FRMPD4: variants seen among roughly 807,000 people sequenced by gnomAD.
FRMPD4 encodes FERM and PDZ domain-containing protein 4.
FRMPD4 carries 22 observed loss-of-function variants against 94.1 expected under a neutral mutation model. The ratio of observed to expected loss-of-function variants is 0.23; its 90% CI spans 0.17 to 0.33. The LOEUF (loss-of-function observed/expected upper bound fraction) is 0.33, where lower values mean the gene tolerates loss of function less well. Among genes scored for constraint, FRMPD4 ranks in the 10% least tolerant of loss-of-function variants. FRMPD4 has a pLI of 1.00. For missense variants in FRMPD4, 1,111 were observed against 1,339.9 expected, an observed-to-expected ratio of 0.83 and a Z score of 2.67; for synonymous variants, 631 against 548.6, an observed-to-expected ratio of 1.15 and a Z score of -2.10.
chrX:12,683,139 C>T (rs767069014), intron 5 of FRMPD4, among the ~76,000 whole-genome samples: 4 of 112,079 alleles, frequency 3.6e-5, no homozygotes, highest in Non-Finnish European at 5.6e-5. Context: ...AACATTAGAT[C>T]TGACTACCAC....
At chrX:11,899,346 C>G (rs779512852) in intron 3 of FRMPD4, among the ~76,000 whole-genome samples, 17 of 105,631 alleles carry the variant, frequency 1.6e-4, no homozygotes, top group African/African-American at 6.9e-5. Flanking sequence ...CAATCCTAAT[C>G]TTATTTTTAC....
intron 1 of FRMPD4, among the ~76,000 whole-genome samples, chrX:12,277,116 G>A (rs1237281190): frequency 5.6e-5 from 4 of 72,031 alleles, no homozygotes; most frequent in Admixed American, 1.7e-4. Flanking sequence ...GCGAGACTCC[G>A]TCTCAAAAAA....
chrX:12,462,742 A>G (rs2148157768), intron 1 of FRMPD4, among the ~76,000 whole-genome samples: 1 of 112,466 alleles, frequency 8.9e-6, no homozygotes, highest in African/African-American at 3.2e-5. Flanking sequence ...TATTCCCAGC[A>G]CTTTGGGAGG....
At chrX:12,240,650 G>GTT (rs983536123) in intron 1 of FRMPD4, among the ~76,000 whole-genome samples, 2 of 112,178 alleles carry the variant, frequency 1.8e-5, no homozygotes, top group Non-Finnish European at 3.8e-5. Flanking sequence ...CAACTGGTTT[G>GTT]TTTTTTGGTT....
chrX:12,082,284 T>C (rs753575172), intron 3 of FRMPD4, among the ~76,000 whole-genome samples: 7 of 111,935 alleles, frequency 6.3e-5, no homozygotes, highest in Admixed American at 3.8e-4. Flanking sequence ...TGGTCTTTCC[T>C]GTGCTATTCT....
intron 1 of FRMPD4, among the ~76,000 whole-genome samples, chrX:11,844,153 A>AT (rs35079439): frequency 0.034 from 3,064 of 91,132 alleles, 124 homozygotes; most frequent in African/African-American, 0.1. Flanking sequence ...ACACCCAGCT[A>AT]TTTTTTTTTT....
At chrX:12,094,067 A>G (rs73632672) in intron 3 of FRMPD4, among the ~76,000 whole-genome samples, 6,318 of 112,107 alleles carry the variant, frequency 0.056, 458 homozygotes, top group African/African-American at 0.19. Flanking sequence ...TGCAGTGGCC[A>G]TTGTCTTCTG....
intron 1 of FRMPD4, among the ~76,000 whole-genome samples, chrX:12,274,015 T>G (rs7877279): frequency 0.051 from 5,732 of 111,622 alleles, 380 homozygotes; most frequent in African/African-American, 0.18. Context: ...ATTCACAGAT[T>G]CATTCATTCA....
At chrX:11,852,458 A>AAG (rs1555910888) in intron 1 of FRMPD4, among the ~76,000 whole-genome samples, 1 of 108,412 alleles carries the variant, frequency 9.2e-6, no homozygotes, top group African/African-American at 3.4e-5. Flanking sequence ...AAAAAAAAAA[A>AAG]AAAGAAAAAG....
intron 2 of FRMPD4, among the ~76,000 whole-genome samples, chrX:12,583,733 C>T (rs1029168220): frequency 1.8e-5 from 2 of 112,795 alleles, no homozygotes; most frequent in Non-Finnish European, 3.8e-5. Flanking sequence ...GAGCCTCACC[C>T]GGGCCCAGCT....
At chrX:12,036,586 G>C (rs778296275) in intron 3 of FRMPD4, among the ~76,000 whole-genome samples, 1 of 111,277 alleles carries the variant, frequency 9.0e-6, no homozygotes, top group Non-Finnish European at 1.9e-5. Context: ...AGAACCCTTT[G>C]AGTTTGCTTC....
chrX:12,408,092 A>G (rs1293472922), intron 1 of FRMPD4, among the ~76,000 whole-genome samples: 2 of 108,108 alleles, frequency 1.8e-5, no homozygotes, highest in Non-Finnish European at 3.8e-5. Context: ...CTGTGTCTCG[A>G]GTGGTGGCTA....
intron 1 of FRMPD4, among the ~76,000 whole-genome samples, chrX:12,473,969 T>C (rs2057556898): frequency 9.1e-6 from 1 of 109,869 alleles, no homozygotes; most frequent in Non-Finnish European, 1.9e-5. Flanking sequence ...GCGGACCTAA[T>C]AGACATCTAC....
intron 1 of FRMPD4, among the ~76,000 whole-genome samples, chrX:12,372,369 C>T: frequency 8.9e-6 from 1 of 112,930 alleles, no homozygotes; most frequent in Non-Finnish European, 1.9e-5. Flanking sequence ...CATTCCAGAC[C>T]AGTTACATCA....
At chrX:12,559,179 A>G (rs777390718) in intron 2 of FRMPD4, among the ~76,000 whole-genome samples, 1 of 112,581 alleles carries the variant, frequency 8.9e-6, no homozygotes, top group African/African-American at 3.2e-5. Flanking sequence ...CTAGCAAATC[A>G]GGAGTACATT....
At chrX:11,997,755 T>A (rs1314575775) in intron 3 of FRMPD4, among the ~76,000 whole-genome samples, 1 of 111,166 alleles carries the variant, frequency 9.0e-6, no homozygotes, top group East Asian at 2.8e-4. Context: ...ATTTCTTTGG[T>A]CAAAGTAAGT....
At chrX:12,383,734 C>A (rs2056359232) in intron 1 of FRMPD4, among the ~76,000 whole-genome samples, 1 of 111,570 alleles carries the variant, frequency 9.0e-6, no homozygotes, top group South Asian at 3.8e-4. Flanking sequence ...TTTGAAACAA[C>A]AGTATATTTA....
chrX:12,170,163 C>A (rs2147645460), intron 1 of FRMPD4, among the ~76,000 whole-genome samples: 1 of 103,030 alleles, frequency 9.7e-6, no homozygotes, highest in Non-Finnish European at 2.0e-5. Context: ...ACACTCTTAT[C>A]TTTCCAGAAA....
upstream of FRMPD4, among the ~76,000 whole-genome samples, chrX:12,136,208 T>G (rs935349484): frequency 2.7e-5 from 3 of 110,991 alleles, no homozygotes; most frequent in African/African-American, 9.9e-5. Context: ...CAAATATTTC[T>G]TAAGTTCTTT....
Sources: allele counts gnomAD v4.1 joint callset (sites outside exome capture counted in the v4.1 genomes callset), GRCh38; gene constraint gnomAD v4.1.1; transcripts MANE v1.5; gene names NCBI Gene and HGNC (gene_info 2026-07-23, HGNC 2026-07-21).